The following PICALM variants were observed in gnomAD, a reference collection of about 807,000 sequenced individuals.
PICALM encodes phosphatidylinositol binding clathrin assembly protein, also known as phosphatidylinositol-binding clathrin assembly protein.
PICALM carries 40 observed loss-of-function variants against 80.5 expected under a neutral mutation model. The observed-to-expected ratio is 0.50, with a 90% CI of 0.39 to 0.65. The LOEUF is 0.65. PICALM is among the 30% of genes least tolerant of loss of function. The pLI, the probability that PICALM is intolerant of heterozygous loss-of-function variation, is 0.00. For missense variants in PICALM, 676 were observed against 778.9 expected, an observed-to-expected ratio of 0.87 and a Z score of 1.57; for synonymous variants, 288 against 260.3, an observed-to-expected ratio of 1.11 and a Z score of -1.02.
At chr11:86,027,570 T>C (rs1179885150) in intron 2 of PICALM, among the ~76,000 whole-genome samples, 3,035 of 151,564 alleles carry the variant, frequency 0.02, 112 homozygotes, top group African/African-American at 0.07. Context: ...TGATCACAGC[T>C]TTCCACCCTC....
chr11:85,974,686 A>T, intron 19 of PICALM, 22 bp downstream of exon 19: 2 of 1,392,244 alleles, frequency 1.4e-6, no homozygotes, highest in Non-Finnish European at 2.0e-6. Context: ...ACATTACCAC[A>T]GTTACATGTA....
At chr11:86,060,918 TGAAA>T (rs2096351247) in intron 1 of PICALM, among the ~76,000 whole-genome samples, 1 of 152,126 alleles carries the variant, frequency 6.6e-6, no homozygotes, top group Non-Finnish European at 1.5e-5. Context: ...GCATGACCCA[TGAAA>T]GAAAGAACTG....
At chr11:86,003,146 G>T (rs533690706) in intron 9 of PICALM, among the ~76,000 whole-genome samples, 1 of 152,308 alleles carries the variant, frequency 6.6e-6, no homozygotes, top group East Asian at 1.9e-4. Flanking sequence ...CTTAACAGAT[G>T]CTGACATTTA....
At chr11:86,052,322 T>C (rs2096203344) in intron 1 of PICALM, among the ~76,000 whole-genome samples, 1 of 152,210 alleles carries the variant, frequency 6.6e-6, no homozygotes, top group Non-Finnish European at 1.5e-5. Context: ...TGTGAGTCAA[T>C]TAAACCTCTT....
At chr11:85,984,004 T>G (rs2094513054) in intron 13 of PICALM, 31 bp from the exon 14 acceptor site, 2 of 959,036 alleles carry the variant, frequency 2.1e-6, no homozygotes, top group Non-Finnish European at 3.3e-6. Flanking sequence ...AAAAGCTCAA[T>G]TATTTAATAA....
intron 1 of PICALM, among the ~76,000 whole-genome samples, chr11:86,048,812 G>A (rs1244028944): frequency 7.1e-6 from 1 of 141,560 alleles, no homozygotes; most frequent in African/African-American, 2.7e-5. Context: ...TCAGCCTCCT[G>A]GGGAGTAAGA....
intron 1 of PICALM, among the ~76,000 whole-genome samples, chr11:86,065,309 G>C (rs2096430894): frequency 6.6e-6 from 1 of 152,020 alleles, no homozygotes; most frequent in African/African-American, 2.4e-5. Flanking sequence ...AGCTGGGTGT[G>C]GTGGCATGCG....
intron 1 of PICALM, among the ~76,000 whole-genome samples, chr11:86,048,086 G>A (rs1038303314): frequency 2.0e-5 from 3 of 151,932 alleles, no homozygotes; most frequent in African/African-American, 7.3e-5. Context: ...GGGCAACAAG[G>A]CCAAAACTCC....
chr11:85,986,477 A>T (rs2135811505), intron 13 of PICALM, among the ~76,000 whole-genome samples: 1 of 135,850 alleles, frequency 7.4e-6, no homozygotes, highest in East Asian at 2.2e-4. Context: ...TGCAAGCTCC[A>T]CTTCCTGGGT....
At chr11:86,018,786 G>C (rs1331900758) in intron 4 of PICALM, among the ~76,000 whole-genome samples, 2 of 152,084 alleles carry the variant, frequency 1.3e-5, no homozygotes, top group African/African-American at 4.8e-5. Context: ...CTACTTGGGA[G>C]GCTGAGACAG....
intron 1 of PICALM, among the ~76,000 whole-genome samples, chr11:86,056,414 A>C: frequency 6.6e-6 from 1 of 151,792 alleles, no homozygotes; most frequent in Non-Finnish European, 1.5e-5. Flanking sequence ...AATGCTAAAC[A>C]GCATTAACCA....
At position 86,003,407 on chromosome 11, in the gene PICALM, G is replaced by A; in HGVS notation, c.852C>T (p.Ser284=). The A allele has an allele frequency of 1.3e-6, 2 of 1,598,896 alleles. No homozygotes were observed. Among genetic ancestry groups the A allele is most frequent in the East Asian group, 2.2e-5 (1 of 44,694 alleles). Residue 284 remains serine (S), a synonymous_variant, in exon 9 of 20, where the codon TCC becomes TCT. Transcript: ENST00000393346. ...LLDALEQHLA[S]LEGKKIKDST... ...AATCTTTGATTTTCTTTCCTTCCAA[G>A]GAAGCTAAATGTTGTTCCAAAGCAT... is the stretch of plus-strand genomic sequence containing the variant.
At chr11:86,017,998 T>C (rs1485924335) in intron 4 of PICALM, among the ~76,000 whole-genome samples, 1 of 152,194 alleles carries the variant, frequency 6.6e-6, no homozygotes, top group Non-Finnish European at 1.5e-5. Flanking sequence ...AGAAGTTCTC[T>C]AATATTCTTG....
intron 19 of PICALM, among the ~76,000 whole-genome samples, chr11:85,973,589 G>A (rs1433265306): frequency 1.3e-5 from 2 of 151,862 alleles, no homozygotes; most frequent in Non-Finnish European, 2.9e-5. Flanking sequence ...CATATATATG[G>A]TTCAGTACTA....
At chr11:85,967,659 G>T in intron 19 of PICALM, among the ~76,000 whole-genome samples, 1 of 152,084 alleles carries the variant, frequency 6.6e-6, no homozygotes, top group East Asian at 1.9e-4. Context: ...TGGAGAGATC[G>T]GCTGACAGAG....
intron 17 of PICALM, chr11:85,977,966 T>C (rs938709817): frequency 6.0e-6 from 5 of 840,304 alleles, no homozygotes; most frequent in African/African-American, 1.7e-5. Context: ...ATTGAAAATC[T>C]GAATGTGAAA....
chr11:85,982,496 C>T (rs992944468), intron 14 of PICALM, among the ~76,000 whole-genome samples: 3 of 131,600 alleles, frequency 2.3e-5, no homozygotes, highest in African/African-American at 5.9e-5. Context: ...GGCGCAATCT[C>T]GGCTCACTGC....
chr11:86,068,958 C>G lies in PICALM; in HGVS notation c.-178G>C. The G allele has an allele frequency of 1.3e-6, 1 of 743,566 alleles. No homozygotes were observed. The highest frequency in any genetic ancestry group is 2.1e-6 in the Non-Finnish European group (1 of 479,606). 46.1% of individuals were successfully genotyped at this position (743,566 alleles called of 1,614,324 possible). Reference sequence around the variant, plus strand: ...GCCACCAGTCCAGAGAGAACCGGCTCGTGTCACCCGCGGAGTCGGACAAGA... The same window carrying G: ...GCCACCAGTCCAGAGAGAACCGGCTGGTGTCACCCGCGGAGTCGGACAAGA... On this transcript the variant is annotated 5_prime_UTR_variant, in exon 1 of 20. Coordinates refer to ENST00000393346, the MANE Select transcript of PICALM (RefSeq NM_007166.4).
chr11:85,985,859 A>G (rs1048548174), intron 13 of PICALM, among the ~76,000 whole-genome samples: 1 of 152,218 alleles, frequency 6.6e-6, no homozygotes, highest in South Asian at 2.1e-4. Flanking sequence ...TTAGGCCAAT[A>G]TATCAAATTC....
Sources: allele counts gnomAD v4.1 joint callset (sites outside exome capture counted in the v4.1 genomes callset), GRCh38; gene constraint gnomAD v4.1.1; transcripts MANE v1.5; gene names NCBI Gene and HGNC (gene_info 2026-07-23, HGNC 2026-07-21).